NTNG1: variants seen among roughly 807,000 people sequenced by gnomAD.
NTNG1 encodes netrin G1, also known as netrin-G1.
In NTNG1, 16 loss-of-function variants were observed where a neutral mutation model predicts 54.0. The observed-to-expected ratio is 0.30, with a 90% CI of 0.20 to 0.45. The LOEUF (loss-of-function observed/expected upper bound fraction) is 0.45, where lower values mean the gene tolerates loss of function less well. Among genes scored for constraint, NTNG1 ranks in the 20% least tolerant of loss-of-function variants. The pLI, the probability that NTNG1 is intolerant of heterozygous loss-of-function variation, is 1.00. For synonymous variants in NTNG1, 255 were observed against 263.1 expected, an observed-to-expected ratio of 0.97 and a Z score of 0.30; for missense variants, 530 against 678.7, an observed-to-expected ratio of 0.78 and a Z score of 2.43.
rs551416671 is a variant in NTNG1, at chr1:107,446,889, A to T, written c.1390+10090A>T. 4.6e-5 allele frequency among the ~76,000 whole-genome samples: 7 copies of T among 152,224 alleles called. No homozygotes were observed. The East Asian group carries it at 9.7e-4, about 21-fold the overall frequency. On this transcript the variant is annotated intron_variant, in intron 7 of 7. Transcript: ENST00000370068. Reference sequence around the variant, plus strand: ...CAATATAGGCACATACTGTATGCTCATGGAAATTTAGACTTACGCACAGTT... The same window carrying T: ...CAATATAGGCACATACTGTATGCTCTTGGAAATTTAGACTTACGCACAGTT...
intron 2 of NTNG1, among the ~76,000 whole-genome samples, chr1:107,169,686 C>A (rs1404026868): frequency 6.6e-6 from 1 of 152,150 alleles, no homozygotes; most frequent in African/African-American, 2.4e-5. Context: ...GTAGTTTTTA[C>A]TCTGTCTATT....
chr1:107,212,464 G>T (rs981745942), intron 2 of NTNG1, among the ~76,000 whole-genome samples: 1 of 152,094 alleles, frequency 6.6e-6, no homozygotes, highest in Non-Finnish European at 1.5e-5. Flanking sequence ...TTGAAAGTAG[G>T]ACTCAAATCC....
At chr1:107,290,057 A>T (rs374264475) in intron 2 of NTNG1, among the ~76,000 whole-genome samples, 81 of 152,310 alleles carry the variant, frequency 5.3e-4, no homozygotes, top group African/African-American at 1.9e-3. Context: ...TTTCTCTGCC[A>T]TATGTATTTA....
chr1:107,179,014 A>G (rs1656864033), intron 2 of NTNG1, among the ~76,000 whole-genome samples: 1 of 152,210 alleles, frequency 6.6e-6, no homozygotes, highest in Non-Finnish European at 1.5e-5. Flanking sequence ...CAAGCTTGAC[A>G]TTAATGTAAT....
chr1:107,339,939 A>C (rs1668801383), intron 3 of NTNG1, among the ~76,000 whole-genome samples: 1 of 152,030 alleles, frequency 6.6e-6, no homozygotes, highest in Non-Finnish European at 1.5e-5. Context: ...TCAAGAGAAA[A>C]ATTATGAAGC....
intron 2 of NTNG1, among the ~76,000 whole-genome samples, chr1:107,197,934 C>T (rs1359134411): frequency 6.6e-6 from 1 of 151,936 alleles, no homozygotes; most frequent in Non-Finnish European, 1.5e-5. Flanking sequence ...TGTGATTATA[C>T]AAAAATAATG....
At chr1:107,185,877 TA>T (rs918452782) in intron 2 of NTNG1, among the ~76,000 whole-genome samples, 25 of 136,802 alleles carry the variant, frequency 1.8e-4, no homozygotes, top group African/African-American at 4.9e-4. Flanking sequence ...TATTTTTTTT[TA>T]AAACTTGTAT....
At chr1:107,386,085 T>C (rs1053617655) in intron 3 of NTNG1, among the ~76,000 whole-genome samples, 2 of 147,308 alleles carry the variant, frequency 1.4e-5, no homozygotes, top group Admixed American at 1.4e-4. Flanking sequence ...ATATATATAC[T>C]TATATGTATG....
intron 2 of NTNG1, among the ~76,000 whole-genome samples, chr1:107,307,858 T>A (rs1666777939): frequency 6.6e-6 from 1 of 152,194 alleles, no homozygotes; most frequent in East Asian, 1.9e-4. Context: ...TCCTTGGCCT[T>A]CTAATCTCTA....
At chr1:107,415,535 A>G (rs960023) in intron 5 of NTNG1, among the ~76,000 whole-genome samples, 74,020 of 151,952 alleles carry the variant, frequency 0.49, 18,410 homozygotes, top group East Asian at 0.65. Context: ...ATTAACAGCC[A>G]GATAGCTCCT....
intron 5 of NTNG1, among the ~76,000 whole-genome samples, chr1:107,423,365 C>T (rs1038517364): frequency 2.0e-5 from 3 of 151,948 alleles, no homozygotes; most frequent in East Asian, 1.9e-4. Context: ...TCATCTAGTC[C>T]GTAGAGGGCC....
chr1:107,461,645 T>G (rs1266164210), intron 7 of NTNG1, among the ~76,000 whole-genome samples: 3 of 151,822 alleles, frequency 2.0e-5, no homozygotes, highest in Non-Finnish European at 4.4e-5. Context: ...GCGATTCCCC[T>G]GCCTCAGCCT....
chr1:107,450,356 C>T (rs1410665184), intron 7 of NTNG1, among the ~76,000 whole-genome samples: 1 of 152,038 alleles, frequency 6.6e-6, no homozygotes, highest in African/African-American at 2.4e-5. Flanking sequence ...AAGAATTGGA[C>T]CCACATCACT....
intron 1 of NTNG1, among the ~76,000 whole-genome samples, chr1:107,147,755 T>C (rs1454949598): frequency 6.6e-6 from 1 of 152,196 alleles, no homozygotes; most frequent in African/African-American, 2.4e-5. Context: ...CTGCAATGTA[T>C]GAGAAATGTT....
chr1:107,377,054 G>T (rs1045649695), intron 3 of NTNG1, among the ~76,000 whole-genome samples: 1 of 152,204 alleles, frequency 6.6e-6, no homozygotes, highest in Non-Finnish European at 1.5e-5. Context: ...TGGCTTCAGG[G>T]TCCCCCTGAC....
intron 5 of NTNG1, 126 bp downstream of exon 5, chr1:107,407,834 A>AT: frequency 1.2e-6 from 1 of 862,944 alleles, no homozygotes; most frequent in East Asian, 2.4e-5. Flanking sequence ...TTCTTTGTGA[A>AT]TTGCATTTTT....
chr1:107,241,606 G>C (rs754695470), intron 2 of NTNG1, among the ~76,000 whole-genome samples: 8 of 152,118 alleles, frequency 5.3e-5, no homozygotes, highest in Non-Finnish European at 1.0e-4. Flanking sequence ...ACTCAAACAG[G>C]ACAAAGCATC....
At chr1:107,412,885 C>A (rs137986926) in intron 5 of NTNG1, among the ~76,000 whole-genome samples, 12 of 152,076 alleles carry the variant, frequency 7.9e-5, no homozygotes, top group Non-Finnish European at 1.5e-4. Context: ...GCCTACTCTG[C>A]GACAGTAAAC....
chr1:107,176,449 C>A (rs530966237), intron 2 of NTNG1, among the ~76,000 whole-genome samples: 1 of 152,168 alleles, frequency 6.6e-6, no homozygotes, highest in African/African-American at 2.4e-5. Flanking sequence ...TTGCATTCAT[C>A]CTCAAGTAAG....
Sources: gnomAD v4.1 joint callset for allele counts (sites outside exome capture counted in the v4.1 genomes callset) on GRCh38, gnomAD v4.1.1 for gene constraint, MANE v1.5 for transcripts, NCBI Gene and HGNC (gene_info 2026-07-23, HGNC 2026-07-21) for gene names.